The following RYR3 variants were observed in gnomAD, a reference collection of about 807,000 sequenced individuals.
The protein encoded by RYR3 is brain ryanodine receptor-calcium release channel.
In RYR3, 207 loss-of-function variants were observed where a neutral mutation model predicts 584.3. That is an observed-to-expected ratio of 0.35 (90% CI 0.32 to 0.40). The LOEUF (loss-of-function observed/expected upper bound fraction) is 0.40, where lower values mean the gene tolerates loss of function less well. RYR3 is among the 10% of genes least tolerant of loss of function. The pLI, the probability that RYR3 is intolerant of heterozygous loss-of-function variation, is 1.00. For synonymous variants in RYR3, 2,416 were observed against 2,248.5 expected (o/e 1.07, Z -2.11); for missense variants, 5,616 against 6,089.2 (o/e 0.92, Z 2.59).
intron 1 of RYR3, among the ~76,000 whole-genome samples, chr15:33,332,057 C>T (rs2140681978): frequency 6.6e-6 from 1 of 151,952 alleles, no homozygotes; most frequent in Admixed American, 6.5e-5. Context: ...AACTTTAAAG[C>T]AAGTACAGGA....
Position 33,854,448 on chromosome 15 carries a change from A to G in RYR3, c.13859A>G (p.Asn4620Ser), listed in dbSNP as rs1464670442. 6.4e-7 allele frequency: 1 copy of G among 1,568,706 alleles called. No individual in the cohort carries two copies. The highest frequency in any genetic ancestry group is 8.6e-7 in the Non-Finnish European group (1 of 1,156,132). ...IWKLGVVFTDNSFLYLAWYTT... is the reference protein window; with the variant it reads ...IWKLGVVFTDSSFLYLAWYTT... The stretch of plus-strand genomic sequence containing the variant: ...AAGCTTGGAGTTGTTTTTACTGACA[A>G]CGTAAGTACTGCACCTGGAAAAACA... The change falls in exon 97 of 104, where the codon AAC becomes AGC. Residue 4620 changes from asparagine to serine, a missense_variant and splice_region_variant. Physicochemically the swap from Asn to Ser is conservative, Grantham distance 46 (BLOSUM62 1). Coordinates refer to ENST00000634891, the MANE Select transcript of RYR3 (RefSeq NM_001036.6).
intron 70 of RYR3, 54 bp from the exon 71 acceptor site, chr15:33,810,425 T>G: frequency 6.3e-7 from 1 of 1,596,134 alleles, no homozygotes; most frequent in Admixed American, 1.7e-5. Flanking sequence ...AGGAGGCCGT[T>G]CCTTTGGGAG....
In RYR3 at chr15:33,819,696, A is replaced by AAATG. The variant is rs1173467208; in HGVS notation, c.10707-57_10707-56insGAAT. On this transcript the variant is annotated intron_variant, in intron 76 of 103. Transcript: ENST00000634891. Reference sequence around the variant, plus strand: ...CTCAAAAATAAATAAATAAATAAATAAATAAATAAATAAATAAATAAATAA... The same window carrying AAATG: ...CTCAAAAATAAATAAATAAATAAATAAATGAATAAATAAATAAATAAATAAATAA... 18 of 851,136 alleles carry AAATG rather than the reference A, an allele frequency of 2.1e-5. No individual in the cohort carries two copies. In the Admixed American group the frequency reaches 3.0e-4, roughly 14 times the overall value. The allele number at this position is 851,136 out of a possible 1,614,324, so 52.7% of individuals were successfully genotyped here. A position where few individuals can be genotyped will look rare whatever the true frequency, so the allele number is the denominator to read the frequency against.
intron 27 of RYR3, among the ~76,000 whole-genome samples, chr15:33,641,218 C>T (rs1412294907): frequency 2.6e-5 from 4 of 152,204 alleles, no homozygotes; most frequent in South Asian, 2.1e-4. Flanking sequence ...CTTCAGTCCC[C>T]GTTGCTTGCT....
intron 1 of RYR3, among the ~76,000 whole-genome samples, chr15:33,352,474 C>T (rs1412914136): frequency 6.6e-6 from 1 of 152,132 alleles, no homozygotes; most frequent in Non-Finnish European, 1.5e-5. Flanking sequence ...TAGATTCCCA[C>T]TGCTGAGCCA....
intron 3 of RYR3, among the ~76,000 whole-genome samples, chr15:33,521,953 C>T (rs1366408901): frequency 6.6e-6 from 1 of 152,082 alleles, no homozygotes; most frequent in African/African-American, 2.4e-5. Context: ...TTCTGAACTT[C>T]ATTAAGATTC....
At chr15:33,398,830 G>A (rs866169973) in intron 1 of RYR3, among the ~76,000 whole-genome samples, 3 of 152,174 alleles carry the variant, frequency 2.0e-5, no homozygotes, top group Non-Finnish European at 4.4e-5. Context: ...TGGCCTGGAG[G>A]GACTCGTTCA....
At chr15:33,814,446 T>C (rs1180118941) in intron 74 of RYR3, among the ~76,000 whole-genome samples, 1 of 152,228 alleles carries the variant, frequency 6.6e-6, no homozygotes, top group Non-Finnish European at 1.5e-5. Flanking sequence ...TAAATAAATG[T>C]GTTTCTTTGG....
At chr15:33,725,188 C>CACACACACATATATAT (rs2068281151) in intron 45 of RYR3, among the ~76,000 whole-genome samples, 1 of 149,236 alleles carries the variant, frequency 6.7e-6, no homozygotes, top group Non-Finnish European at 1.5e-5. Flanking sequence ...CACACACACA[C>CACACACACATATATAT]ACACACACAC....
At chr15:33,826,601 G>C (rs1290793015) in intron 83 of RYR3, 71 bp from the exon 84 acceptor site, 12 of 1,242,666 alleles carry the variant, frequency 9.7e-6, no homozygotes, top group Non-Finnish European at 1.4e-5. Flanking sequence ...CATCTGTGTA[G>C]TCATTTACAT....
intron 11 of RYR3, 130 bp from the exon 12 acceptor site, chr15:33,566,548 C>A: frequency 1.0e-6 from 1 of 997,310 alleles, no homozygotes; most frequent in Non-Finnish European, 1.5e-6. Flanking sequence ...GTCCCATTCT[C>A]AAAATGGACC....
chr15:33,624,041 G>T lies in RYR3; in HGVS notation c.2574+18G>T, dbSNP rs200054484. The stretch of plus-strand genomic sequence containing the variant: ...CCAGTCAGGTAGGTTCAAATTGCCC[G>T]CAGAAGGCAACCAATATAGATGAAG... On this transcript the variant is annotated intron_variant, in intron 20 of 103. Transcript: ENST00000634891. 135 of 1,560,158 alleles carry T rather than the reference G, an allele frequency of 8.7e-5. No individual in the cohort carries two copies. In the African/African-American group the frequency reaches 1.5e-3, roughly 18 times the overall value.
chr15:33,441,191 G>C (rs746974171), intron 1 of RYR3, among the ~76,000 whole-genome samples: 1 of 152,124 alleles, frequency 6.6e-6, no homozygotes, highest in Non-Finnish European at 1.5e-5. Flanking sequence ...TTGTGGTTAC[G>C]GTTAGGGTTA....
chr15:33,638,341 G>C (rs2061613984), intron 27 of RYR3, among the ~76,000 whole-genome samples: 1 of 152,166 alleles, frequency 6.6e-6, no homozygotes, highest in Non-Finnish European at 1.5e-5. Context: ...CTGAGGCCAG[G>C]AGGAAAACAG....
intron 1 of RYR3, among the ~76,000 whole-genome samples, chr15:33,453,818 C>T (rs1405881995): frequency 4.6e-5 from 7 of 152,134 alleles, no homozygotes; most frequent in Non-Finnish European, 1.0e-4. Context: ...AGTTAATTTA[C>T]AATCAAGGAA....
At chr15:33,554,608 C>A (rs2056945582) in intron 10 of RYR3, among the ~76,000 whole-genome samples, 1 of 152,224 alleles carries the variant, frequency 6.6e-6, no homozygotes, top group Non-Finnish European at 1.5e-5. Flanking sequence ...CCTCCATTAT[C>A]TTTACAGAAA....
Position 33,623,967 on chromosome 15 carries a change from AC to A in RYR3, c.2520del (p.Thr841ProfsTer14). 1 of 1,613,974 alleles carries A rather than the reference AC, an allele frequency of 6.2e-7. No individual in the cohort carries two copies. The highest frequency in any genetic ancestry group is 8.5e-7 in the Non-Finnish European group (1 of 1,179,846). On this transcript the variant is annotated frameshift_variant, in exon 20 of 104. Coordinates refer to ENST00000634891, the MANE Select transcript of RYR3 (RefSeq NM_001036.6). LOFTEE classifies it high-confidence loss of function. ...DADGIRDLLG[T>X]TQFLSQASFI... ...TGATGGCATTAGAGATCTCTTGGGT[AC>A]CACCCAGTTCCTCTCCCAAGCCTCT...
intron 54 of RYR3, 31 bp downstream of exon 54, chr15:33,748,291 G>A (rs1182094325): frequency 6.2e-7 from 1 of 1,610,420 alleles, no homozygotes; most frequent in Non-Finnish European, 8.5e-7. Context: ...GCCCACGCTG[G>A]GCCGATGGAA....
intron 1 of RYR3, among the ~76,000 whole-genome samples, chr15:33,383,672 G>A (rs1180860933): frequency 6.6e-6 from 1 of 152,128 alleles, no homozygotes; most frequent in Non-Finnish European, 1.5e-5. Flanking sequence ...GTACCCAATA[G>A]GTAGTATTTT....
Sources: gnomAD v4.1 joint callset for allele counts (sites outside exome capture counted in the v4.1 genomes callset) on GRCh38, gnomAD v4.1.1 for gene constraint, MANE v1.5 for transcripts, NCBI Gene and HGNC (gene_info 2026-07-23, HGNC 2026-07-21) for gene names.